BMPR1A: variants seen among roughly 807,000 people sequenced by gnomAD.
The protein encoded by BMPR1A is bone morphogenetic protein receptor type-1A.
BMPR1A carries 7 observed loss-of-function variants against 66.0 expected under a neutral mutation model. The ratio of observed to expected loss-of-function variants is 0.11; its 90% CI spans 0.06 to 0.20. The LOEUF (loss-of-function observed/expected upper bound fraction) is 0.20, where lower values mean the gene tolerates loss of function less well. Ranked by LOEUF, BMPR1A falls within the 10% of genes least tolerant of loss-of-function variation. The pLI, the probability that BMPR1A is intolerant of heterozygous loss-of-function variation, is 1.00. For synonymous variants in BMPR1A, 200 were observed against 229.7 expected (o/e 0.87, Z 1.17); for missense variants, 408 against 669.1 (o/e 0.61, Z 4.31).
chr10:86,827,422 T>C (rs1488121525), intron 1 of BMPR1A, among the ~76,000 whole-genome samples: 1 of 152,340 alleles, frequency 6.6e-6, no homozygotes, highest in South Asian at 2.1e-4. Context: ...TCTATGAATA[T>C]ACCACAGTCC....
chr10:86,797,068 CTTTTTT>C (rs780930060), intron 1 of BMPR1A, among the ~76,000 whole-genome samples: 1 of 105,028 alleles, frequency 9.5e-6, no homozygotes, highest in East Asian at 5.3e-4. Flanking sequence ...CTTTTCTTTT[CTTTTTT>C]TTTTTTTTTT....
chr10:86,815,035 G>A (rs897236800), intron 1 of BMPR1A, among the ~76,000 whole-genome samples: 2 of 152,030 alleles, frequency 1.3e-5, no homozygotes, highest in South Asian at 2.1e-4. Flanking sequence ...CTGCCGCCTC[G>A]GCCTCCCAAA....
chr10:86,768,299 A>G (rs1368450854), intron 1 of BMPR1A, among the ~76,000 whole-genome samples: 3 of 152,234 alleles, frequency 2.0e-5, no homozygotes, highest in African/African-American at 7.2e-5. Flanking sequence ...AAGTTTCTTT[A>G]AAGTACATTA....
chr10:86,870,463 C>A (rs1382084951), intron 2 of BMPR1A, among the ~76,000 whole-genome samples: 1 of 152,168 alleles, frequency 6.6e-6, no homozygotes, highest in African/African-American at 2.4e-5. Flanking sequence ...CGCTCTGTTG[C>A]CCAGGCTGGA....
At chr10:86,817,013 G>A (rs1047363515) in intron 1 of BMPR1A, among the ~76,000 whole-genome samples, 8 of 152,134 alleles carry the variant, frequency 5.3e-5, no homozygotes, top group Middle Eastern at 3.2e-3. Flanking sequence ...GAGTCTTTGC[G>A]ATAAAGCTCT....
intron 3 of BMPR1A, chr10:86,889,730 C>A: frequency 3.8e-6 from 1 of 264,368 alleles, no homozygotes; most frequent in Non-Finnish European, 7.3e-6. Flanking sequence ...CATGCTTTTC[C>A]CTGGTTAAAT....
chr10:86,876,228 C>T (rs574607315), intron 3 of BMPR1A, 143 bp downstream of exon 3: 33 of 737,046 alleles, frequency 4.5e-5, no homozygotes, highest in African/African-American at 4.4e-4. Flanking sequence ...AGATGAAACA[C>T]GTGCCAAATA....
chr10:86,844,811 T>C (rs1842463570), intron 2 of BMPR1A, among the ~76,000 whole-genome samples: 2 of 152,198 alleles, frequency 1.3e-5, no homozygotes, highest in Admixed American at 1.3e-4. Flanking sequence ...AGTTTCACTC[T>C]TGTTGCCCAG....
In BMPR1A at chr10:86,925,844, C is replaced by T. The variant is rs1476468988; in HGVS notation, c.*2125C>T. ...CCGGGTTCACGCCATTCTCCTGCCT[C>T]AGCCTCCCGAGTAGCTGGGACTACA... On this transcript the variant is annotated 3_prime_UTR_variant, in exon 13 of 13. Coordinates refer to ENST00000372037, the MANE Select transcript of BMPR1A (RefSeq NM_004329.3). 1 of 160,394 alleles carries T rather than the reference C, an allele frequency of 6.2e-6. No homozygotes were observed. Among genetic ancestry groups the T allele is most frequent in the Non-Finnish European group, 1.3e-5 (1 of 74,612 alleles). The allele number at this position is 160,394 out of a possible 1,614,324, so 9.9% of individuals were successfully genotyped here. A position where few individuals can be genotyped will look rare whatever the true frequency, so the allele number is the denominator to read the frequency against.
At chr10:86,765,989 C>CTTTTTTTTT (rs67035271) in intron 1 of BMPR1A, among the ~76,000 whole-genome samples, 4 of 131,796 alleles carry the variant, frequency 3.0e-5, no homozygotes, top group Admixed American at 8.1e-5. Context: ...TTTCCTCATT[C>CTTTTTTTTT]TTTTTTTTTT....
intron 3 of BMPR1A, 97 bp from the exon 4 acceptor site, chr10:86,889,965 G>A (rs1843123545): frequency 1.5e-6 from 2 of 1,306,318 alleles, no homozygotes; most frequent in Admixed American, 3.6e-5. Context: ...CAATTATTGT[G>A]ATAAGAAAGC....
intron 3 of BMPR1A, among the ~76,000 whole-genome samples, chr10:86,877,132 T>TTCCTAA (rs1842929408): frequency 4.6e-5 from 7 of 152,200 alleles, no homozygotes; most frequent in African/African-American, 1.7e-4. Flanking sequence ...CCTAATGTTT[T>TTCCTAA]GATCACAGTG....
At chr10:86,791,821 A>T (rs1841629333) in intron 1 of BMPR1A, among the ~76,000 whole-genome samples, 1 of 148,144 alleles carries the variant, frequency 6.8e-6, no homozygotes, top group Admixed American at 6.8e-5. Flanking sequence ...CCTGGGTTCA[A>T]GCATTTCTCC....
intron 2 of BMPR1A, among the ~76,000 whole-genome samples, chr10:86,871,501 A>C (rs1842855268): frequency 6.6e-6 from 1 of 152,172 alleles, no homozygotes; most frequent in Admixed American, 6.5e-5. Flanking sequence ...CCAGCATTGG[A>C]AGGGATAACG....
chr10:86,771,465 T>A (rs1841260189), intron 1 of BMPR1A, among the ~76,000 whole-genome samples: 1 of 152,190 alleles, frequency 6.6e-6, no homozygotes, highest in Non-Finnish European at 1.5e-5. Context: ...TATGATATAG[T>A]TACTATTATC....
chr10:86,827,441 G>T (rs1842211390), intron 1 of BMPR1A, among the ~76,000 whole-genome samples: 1 of 152,014 alleles, frequency 6.6e-6, no homozygotes, highest in Admixed American at 6.6e-5. Flanking sequence ...CCATTTTACT[G>T]CTGCTTGACA....
chr10:86,851,216 A>G (rs1200647701), intron 2 of BMPR1A, among the ~76,000 whole-genome samples: 1 of 152,122 alleles, frequency 6.6e-6, no homozygotes, highest in Non-Finnish European at 1.5e-5. Flanking sequence ...CTAGAGATAT[A>G]TTTTTAGATG....
intron 2 of BMPR1A, among the ~76,000 whole-genome samples, chr10:86,871,120 G>A (rs1419256749): frequency 2.6e-5 from 4 of 152,036 alleles, no homozygotes; most frequent in African/African-American, 4.8e-5. Context: ...AGAACTTCCC[G>A]TCTTTCTTTG....
intron 3 of BMPR1A, among the ~76,000 whole-genome samples, chr10:86,878,521 A>G (rs996463882): frequency 6.6e-6 from 1 of 152,234 alleles, no homozygotes; most frequent in Non-Finnish European, 1.5e-5. Context: ...AATGACTTCA[A>G]TAGAGATTTA....
Sources: gnomAD v4.1 joint callset for allele counts (sites outside exome capture counted in the v4.1 genomes callset) on GRCh38, gnomAD v4.1.1 for gene constraint, MANE v1.5 for transcripts, NCBI Gene and HGNC (gene_info 2026-07-23, HGNC 2026-07-21) for gene names.